Variants in FTCDNL1 observed in about 807,000 individuals in gnomAD.
The protein encoded by FTCDNL1 is formiminotransferase cyclodeaminase N-terminal like.
A neutral mutation model predicts 5.9 loss-of-function variants in FTCDNL1; 11 were observed. The observed-to-expected ratio is 1.87, with a 90% confidence interval of 1.18 to 3.10. The LOEUF (loss-of-function observed/expected upper bound fraction) is 3.10, where lower values mean the gene tolerates loss of function less well. Ranked by LOEUF, FTCDNL1 falls within the 30% of genes most tolerant of loss-of-function variation. The pLI is 0.00. For synonymous variants in FTCDNL1, 58 were observed against 24.8 expected, an observed-to-expected ratio of 2.34 and a Z score of -3.99; for missense variants, 115 against 65.5, an observed-to-expected ratio of 1.76 and a Z score of -2.61.
At chr2:199,715,485 T>C in the FTCDNL1 span, among the ~76,000 whole-genome samples, 3 of 152,336 alleles carry the variant, frequency 2.0e-5, no homozygotes, top group Middle Eastern at 3.4e-3. Context: ...CCACGTAAGA[T>C]GTGCCTTTGG....
At chr2:199,717,092 T>G in the FTCDNL1 span, among the ~76,000 whole-genome samples, 2 of 152,068 alleles carry the variant, frequency 1.3e-5, no homozygotes, top group African/African-American at 4.8e-5. Flanking sequence ...GGAAAAAAAT[T>G]CTCTCAGGAG....
chr2:199,828,684 A>G (rs1267771390), intron 3 of FTCDNL1, among the ~76,000 whole-genome samples: 3 of 152,214 alleles, frequency 2.0e-5, no homozygotes, highest in Admixed American at 6.5e-5. Context: ...ATAGACTTGT[A>G]TTAAATAATC....
the FTCDNL1 span, among the ~76,000 whole-genome samples, chr2:199,691,006 T>A: frequency 6.6e-6 from 1 of 152,190 alleles, no homozygotes; most frequent in Non-Finnish European, 1.5e-5. Context: ...GACCCACATA[T>A]ACAAACATAG....
chr2:199,812,083 A>T lies in FTCDNL1; in HGVS notation c.*622T>A, dbSNP rs532275658. Among the ~76,000 whole-genome samples the T allele has an allele frequency of 3.9e-5, 6 of 152,220 alleles. No homozygotes were observed. The highest frequency in any genetic ancestry group is 1.5e-5 in the Non-Finnish European group (1 of 68,024). On this transcript the variant is annotated 3_prime_UTR_variant, in exon 5 of 5. Transcript: ENST00000420128. Reference sequence around the variant, plus strand: ...ATCATTTTTCAAACAGACCCTTGTTATATGTATTTTAAATTCTTCTAGTAA... The same window carrying T: ...ATCATTTTTCAAACAGACCCTTGTTTTATGTATTTTAAATTCTTCTAGTAA...
At chr2:199,825,973 G>A (rs768401299) in intron 3 of FTCDNL1, among the ~76,000 whole-genome samples, 16 of 152,170 alleles carry the variant, frequency 1.1e-4, no homozygotes, top group Non-Finnish European at 2.1e-4. Flanking sequence ...CTGGTCACAT[G>A]TATGTGCTCC....
At chr2:199,751,232 C>A in the FTCDNL1 span, among the ~76,000 whole-genome samples, 1 of 152,340 alleles carries the variant, frequency 6.6e-6, no homozygotes, top group South Asian at 2.1e-4. Context: ...ATGCTGTCAG[C>A]TTTCTGAAGA....
chr2:199,701,527 T>G, the FTCDNL1 span, among the ~76,000 whole-genome samples: 1 of 152,126 alleles, frequency 6.6e-6, no homozygotes, highest in Non-Finnish European at 1.5e-5. Context: ...ATCACAGCAC[T>G]GTTCACAATA....
the FTCDNL1 span, among the ~76,000 whole-genome samples, chr2:199,751,677 C>A: frequency 6.8e-6 from 1 of 147,496 alleles, no homozygotes; most frequent in Admixed American, 6.8e-5. Flanking sequence ...CTAACATCAC[C>A]CCACCCCCAC....
At chr2:199,775,667 T>C (rs988678310) in intron 3 of FTCDNL1, among the ~76,000 whole-genome samples, 1 of 152,160 alleles carries the variant, frequency 6.6e-6, no homozygotes, top group Admixed American at 6.6e-5. Context: ...CCACTCATTC[T>C]CCACTGTTCC....
intron 3 of FTCDNL1, among the ~76,000 whole-genome samples, chr2:199,829,255 A>G (rs1190468732): frequency 6.6e-6 from 1 of 152,058 alleles, no homozygotes; most frequent in Non-Finnish European, 1.5e-5. Flanking sequence ...GCCCTTCCCA[A>G]TTTCTCTGGT....
the FTCDNL1 span, among the ~76,000 whole-genome samples, chr2:199,702,483 A>G: frequency 1.3e-5 from 2 of 152,138 alleles, no homozygotes; most frequent in African/African-American, 4.8e-5. Context: ...AGAGTGGCAG[A>G]CCCTCAGCAT....
At chr2:199,825,957 A>C (rs533531800) in intron 3 of FTCDNL1, among the ~76,000 whole-genome samples, 4 of 146,286 alleles carry the variant, frequency 2.7e-5, no homozygotes, top group African/African-American at 9.7e-5. Context: ...CAACTCTCCA[A>C]ATGTTCTGGT....
chr2:199,776,459 G>A (rs969562613), intron 3 of FTCDNL1, among the ~76,000 whole-genome samples: 23 of 152,318 alleles, frequency 1.5e-4, no homozygotes, highest in African/African-American at 5.5e-4. Flanking sequence ...AAAAATGGCA[G>A]AGATGCTGCC....
chr2:199,692,687 G>T, the FTCDNL1 span, among the ~76,000 whole-genome samples: 2 of 152,134 alleles, frequency 1.3e-5, no homozygotes, highest in East Asian at 1.9e-4. Flanking sequence ...GTCCTGGCAG[G>T]CACCCAAAAA....
intron 3 of FTCDNL1, among the ~76,000 whole-genome samples, chr2:199,794,666 C>T (rs1165279731): frequency 6.6e-6 from 1 of 152,062 alleles, no homozygotes; most frequent in Non-Finnish European, 1.5e-5. Flanking sequence ...TCACTTGAGT[C>T]CAGGAGTTTG....
the FTCDNL1 span, among the ~76,000 whole-genome samples, chr2:199,754,600 T>C: frequency 6.6e-6 from 1 of 152,156 alleles, no homozygotes; most frequent in African/African-American, 2.4e-5. Context: ...TCTTAACTGA[T>C]ACAAGTTGTT....
chr2:199,771,694 A>T (rs934121991), intron 3 of FTCDNL1, among the ~76,000 whole-genome samples: 2 of 152,258 alleles, frequency 1.3e-5, no homozygotes, highest in Admixed American at 6.5e-5. Flanking sequence ...AACTCTAGGC[A>T]AAAGATCATT....
intron 3 of FTCDNL1, among the ~76,000 whole-genome samples, chr2:199,830,199 T>C (rs949788348): frequency 1.3e-5 from 2 of 152,160 alleles, no homozygotes; most frequent in African/African-American, 4.8e-5. Context: ...GAAGGTAAAA[T>C]TCTCTACCGG....
chr2:199,848,889 A>G lies in FTCDNL1; in HGVS notation c.74T>C (p.Ile25Thr), dbSNP rs779269055. The change falls in exon 2 of 5, where the codon ATT becomes ACT. Residue 25 changes from isoleucine to threonine, a missense_variant. Transcript: ENST00000420128. ...AGCTGCTTTTGCTATGTTCTCAACA[A>G]TGTATTTTCTTCCGGCTTCTGAAAC... Reference protein sequence around the residue: ...LNVSEAGRKYIVENIAKAALL... With the variant: ...LNVSEAGRKYTVENIAKAALL... 3 of 702,328 alleles carry G rather than the reference A, an allele frequency of 4.3e-6. No individual in the cohort carries two copies. Among genetic ancestry groups the G allele is most frequent in the Non-Finnish European group, 7.8e-6 (3 of 384,784 alleles). The allele number at this position is 702,328 out of a possible 1,614,324, so 43.5% of individuals were successfully genotyped here.
Sources: allele counts gnomAD v4.1 joint callset (sites outside exome capture counted in the v4.1 genomes callset), GRCh38; gene constraint gnomAD v4.1.1; transcripts MANE v1.5; gene names NCBI Gene and HGNC (gene_info 2026-07-23, HGNC 2026-07-21).